The following ATG10 variants were observed in gnomAD, a reference collection of about 807,000 sequenced individuals.
The protein encoded by ATG10 is autophagy related 10, also known as ubiquitin-like-conjugating enzyme ATG10.
A neutral mutation model predicts 32.1 loss-of-function variants in ATG10; 30 were observed. The ratio of observed to expected loss-of-function variants is 0.94; its 90% CI spans 0.70 to 1.27. ATG10 has a LOEUF of 1.27. Among genes scored for constraint, ATG10 ranks in the 50% most tolerant of loss-of-function variants. ATG10 has a pLI of 0.00. For missense variants in ATG10, 233 were observed against 262.3 expected (o/e 0.89, Z 0.77); for synonymous variants, 87 against 91.5 (o/e 0.95, Z 0.28).
intron 3 of ATG10, among the ~76,000 whole-genome samples, chr5:82,085,078 A>T (rs1385573671): frequency 2.6e-5 from 4 of 152,210 alleles, no homozygotes; most frequent in African/African-American, 9.6e-5. Flanking sequence ...TGCTGTATTC[A>T]GGAGACCCAT....
intron 3 of ATG10, among the ~76,000 whole-genome samples, chr5:82,084,160 A>G (rs922431147): frequency 6.6e-6 from 1 of 152,218 alleles, no homozygotes; most frequent in Non-Finnish European, 1.5e-5. Flanking sequence ...CCTGAAAACC[A>G]TGGCACGAGA....
chr5:82,251,246 T>G (rs1747242933), intron 5 of ATG10, among the ~76,000 whole-genome samples: 1 of 152,122 alleles, frequency 6.6e-6, no homozygotes, highest in Non-Finnish European at 1.5e-5. Context: ...TGTTTGGAGC[T>G]GAGGGGTAGA....
chr5:82,173,479 T>G (rs1743880959), intron 4 of ATG10, among the ~76,000 whole-genome samples: 1 of 152,206 alleles, frequency 6.6e-6, no homozygotes, highest in South Asian at 2.1e-4. Context: ...CACTTTAGAT[T>G]ACTGACAGAA....
At chr5:82,080,157 A>G (rs542639132) in intron 3 of ATG10, among the ~76,000 whole-genome samples, 103 of 152,320 alleles carry the variant, frequency 6.8e-4, no homozygotes, top group African/African-American at 2.3e-3. Flanking sequence ...GGCTGCATAA[A>G]TGTCTTCTTT....
chr5:81,995,508 A>G (rs542001567), intron 2 of ATG10, among the ~76,000 whole-genome samples: 2 of 152,090 alleles, frequency 1.3e-5, no homozygotes, highest in African/African-American at 2.4e-5. Flanking sequence ...TAATATATCA[A>G]TCGAGGCAAA....
At chr5:82,009,906 T>C in intron 2 of ATG10, 1 of 1,610,814 alleles carries the variant, frequency 6.2e-7, no homozygotes, top group Non-Finnish European at 8.5e-7. Flanking sequence ...GTCACCACCC[T>C]GACACATAAA....
rs144442841 is a variant in ATG10 at position 81,987,841 on chromosome 5, A to T, written c.108+163A>T. ...GAAGAATGTCTTACAACAGATGTCC[A>T]TTTTCTTACTTCAACTATATATATT... On this transcript the variant is annotated intron_variant, in intron 2 of 7. Transcript: ENST00000282185. Among the ~76,000 whole-genome samples the T allele has an allele frequency of 2.9e-3, 449 of 152,224 alleles. 1 individual carries two copies. Among genetic ancestry groups the T allele is most frequent in the African/African-American group, 9.9e-3 (413 of 41,568 alleles).
At chr5:82,026,952 G>A (rs937546831) in intron 2 of ATG10, among the ~76,000 whole-genome samples, 1 of 151,694 alleles carries the variant, frequency 6.6e-6, no homozygotes, top group Admixed American at 6.6e-5. Flanking sequence ...CCAGCTACTC[G>A]AGAGGCTGAG....
Position 81,996,466 on chromosome 5 carries a change from C to T in ATG10, c.108+8788C>T, listed in dbSNP as rs545411551. 1.1e-3 allele frequency among the ~76,000 whole-genome samples: 174 copies of T among 152,304 alleles called. 2 individuals are homozygous for T. Among genetic ancestry groups the T allele is most frequent in the Admixed American group, 2.3e-3 (35 of 15,290 alleles). On this transcript the variant is annotated intron_variant, in intron 2 of 7. Coordinates refer to ENST00000282185, the MANE Select transcript of ATG10 (RefSeq NM_031482.5). ...TGTTGCCCAGGCTGGTCTCGAACTCCTGGCCTCAAGCGATCCTCCCACCTT... is the reference window on the plus strand; with the variant it reads ...TGTTGCCCAGGCTGGTCTCGAACTCTTGGCCTCAAGCGATCCTCCCACCTT...
chr5:82,226,874 G>A (rs1232339861), intron 5 of ATG10, among the ~76,000 whole-genome samples: 1 of 152,056 alleles, frequency 6.6e-6, no homozygotes, highest in African/African-American at 2.4e-5. Flanking sequence ...TTTAGAATTT[G>A]TATCCTTTCA....
At chr5:82,218,494 G>A (rs1416846256) in intron 5 of ATG10, among the ~76,000 whole-genome samples, 2 of 152,102 alleles carry the variant, frequency 1.3e-5, no homozygotes, top group South Asian at 4.1e-4. Flanking sequence ...GGCGGGAGTG[G>A]TGGAGATAGA....
At chr5:82,239,145 C>G (rs1328605057) in intron 5 of ATG10, among the ~76,000 whole-genome samples, 3 of 152,104 alleles carry the variant, frequency 2.0e-5, no homozygotes, top group Non-Finnish European at 4.4e-5. Flanking sequence ...TATGTTGGGA[C>G]TTCTGCAATG....
At chr5:82,083,429 G>T (rs1764555815) in intron 3 of ATG10, among the ~76,000 whole-genome samples, 1 of 152,212 alleles carries the variant, frequency 6.6e-6, no homozygotes, top group Non-Finnish European at 1.5e-5. Context: ...ACAAAAGGTA[G>T]CAGAAACTTG....
chr5:82,185,567 G>T (rs1026075676), intron 5 of ATG10, among the ~76,000 whole-genome samples: 2 of 151,922 alleles, frequency 1.3e-5, no homozygotes, highest in Admixed American at 6.6e-5. Context: ...GCAAAAACAT[G>T]ACAATTAATT....
At chr5:82,050,097 A>G (rs898422441) in intron 2 of ATG10, among the ~76,000 whole-genome samples, 3 of 152,164 alleles carry the variant, frequency 2.0e-5, no homozygotes, top group African/African-American at 4.8e-5. Flanking sequence ...ATGGGTTTAT[A>G]TAAATGGCAT....
intron 5 of ATG10, among the ~76,000 whole-genome samples, chr5:82,243,905 C>T (rs1746908978): frequency 6.6e-6 from 1 of 151,796 alleles, no homozygotes. Context: ...ACAAAATAAG[C>T]CCAAACAAAA....
intron 2 of ATG10, among the ~76,000 whole-genome samples, chr5:82,008,123 A>T (rs1762033112): frequency 6.6e-6 from 1 of 152,080 alleles, no homozygotes; most frequent in Non-Finnish European, 1.5e-5. Context: ...TCTCCTTATT[A>T]ATCCTTTTTA....
intron 5 of ATG10, among the ~76,000 whole-genome samples, chr5:82,237,968 A>T (rs1024167302): frequency 6.6e-6 from 1 of 152,222 alleles, no homozygotes; most frequent in African/African-American, 2.4e-5. Flanking sequence ...GCCATACAGC[A>T]AGCATTAGAT....
chr5:82,150,671 C>T (rs1767560619), intron 3 of ATG10, among the ~76,000 whole-genome samples: 1 of 152,168 alleles, frequency 6.6e-6, no homozygotes, highest in Admixed American at 6.5e-5. Context: ...ATCCATATCC[C>T]CCTTCACACA....
Sources: allele counts gnomAD v4.1 joint callset (sites outside exome capture counted in the v4.1 genomes callset), GRCh38; gene constraint gnomAD v4.1.1; transcripts MANE v1.5; gene names NCBI Gene and HGNC (gene_info 2026-07-23, HGNC 2026-07-21).